The following HSD17B12 variants were observed in gnomAD, a reference collection of about 807,000 sequenced individuals.
HSD17B12 encodes very-long-chain 3-oxoacyl-CoA reductase.
HSD17B12 carries 32 observed loss-of-function variants against 39.3 expected under a neutral mutation model. The ratio of observed to expected loss-of-function variants is 0.81; its 90% CI spans 0.61 to 1.09. The LOEUF is 1.09. Among genes scored for constraint, HSD17B12 ranks in the 50% least tolerant of loss-of-function variants. The pLI is 0.00. For synonymous variants in HSD17B12, 150 were observed against 146.7 expected (o/e 1.02, Z -0.16); for missense variants, 342 against 382.9 (o/e 0.89, Z 0.89).
In HSD17B12 at chr11:43,798,418, G is replaced by A. The variant is rs754401423; in HGVS notation, c.382G>A (p.Gly128Ser). ...AACAGGCTTGGCTGGTCTTGAAATCGGCATCTTAGGTTTGTATTTTTGCCA... is the reference window on the plus strand; with the variant it reads ...AACAGGCTTGGCTGGTCTTGAAATCAGCATCTTAGGTTTGTATTTTTGCCA... ...IKTGLAGLEI[G>S]ILVNNVGMSY... Residue 128 changes from glycine to serine, a missense_variant, in exon 4 of 11, where the codon GGC becomes AGC. Coordinates refer to ENST00000278353, the MANE Select transcript of HSD17B12 (RefSeq NM_016142.3). 135 of 1,603,730 alleles carry A rather than the reference G, an allele frequency of 8.4e-5. No individual in the cohort carries two copies. The highest frequency in any genetic ancestry group is 1.8e-4 in the East Asian group (8 of 44,662).
chr11:43,782,374 T>C lies in HSD17B12; in HGVS notation c.284-15946T>C, dbSNP rs546987046. On this transcript the variant is annotated intron_variant, in intron 3 of 10. Coordinates refer to ENST00000278353, the MANE Select transcript of HSD17B12 (RefSeq NM_016142.3). Reference sequence around the variant, plus strand: ...TTAAAAGGATGGAAACAAATTATAATCTGTTAATTAAAATAGAAAACCATG... The same window carrying C: ...TTAAAAGGATGGAAACAAATTATAACCTGTTAATTAAAATAGAAAACCATG... Among the ~76,000 whole-genome samples, 128 of 152,222 alleles carry C rather than the reference T, an allele frequency of 8.4e-4. 1 individual carries two copies. Among genetic ancestry groups the C allele is most frequent in the African/African-American group, 2.9e-3 (120 of 41,520 alleles).
At chr11:43,768,558 G>A (rs987362426) in intron 3 of HSD17B12, among the ~76,000 whole-genome samples, 11 of 152,220 alleles carry the variant, frequency 7.2e-5, no homozygotes, top group African/African-American at 2.2e-4. Context: ...AAGATGGTGT[G>A]TCCAGAGTTT....
intron 1 of HSD17B12, among the ~76,000 whole-genome samples, chr11:43,732,109 C>A (rs1361399909): frequency 1.3e-5 from 2 of 152,120 alleles, no homozygotes; most frequent in African/African-American, 4.8e-5. Flanking sequence ...TACCTCCATG[C>A]TGTTCTCCTG....
chr11:43,592,558 A>G, the HSD17B12 span, among the ~76,000 whole-genome samples: 1 of 152,150 alleles, frequency 6.6e-6, no homozygotes, highest in African/African-American at 2.4e-5. Flanking sequence ...GTGTTTAAAT[A>G]TATTATGTGA....
Position 43,725,854 on chromosome 11 carries a change from G to A in HSD17B12, c.161-25057G>A, listed in dbSNP as rs144849867. ...GGCTAGGTGAGAGAAAGACACAACA[G>A]AGGAACAGATATGAGAAAAATGGAG... On this transcript the variant is annotated intron_variant, in intron 1 of 10. Coordinates refer to ENST00000278353, the MANE Select transcript of HSD17B12 (RefSeq NM_016142.3). 1.4e-3 allele frequency among the ~76,000 whole-genome samples: 214 copies of A among 152,252 alleles called. 3 individuals carry two copies. The highest frequency in any genetic ancestry group is 5.0e-3 in the African/African-American group (207 of 41,554).
chr11:43,685,749 C>T (rs1949792045), intron 1 of HSD17B12, among the ~76,000 whole-genome samples: 1 of 152,170 alleles, frequency 6.6e-6, no homozygotes, highest in African/African-American at 2.4e-5. Flanking sequence ...TGGATGAGTA[C>T]TCGGGAGTAG....
chr11:43,571,287 T>A, the HSD17B12 span, among the ~76,000 whole-genome samples: 1 of 152,232 alleles, frequency 6.6e-6, no homozygotes, highest in Non-Finnish European at 1.5e-5. Flanking sequence ...TGCAGATTGT[T>A]CTTTTCTCTC....
At chr11:43,740,940 A>C (rs938525092) in intron 1 of HSD17B12, among the ~76,000 whole-genome samples, 3 of 152,248 alleles carry the variant, frequency 2.0e-5, no homozygotes, top group African/African-American at 7.2e-5. Context: ...CACATGAAGG[A>C]TGGCCTCCCC....
At chr11:43,655,817 T>C in the HSD17B12 span, among the ~76,000 whole-genome samples, 2 of 152,228 alleles carry the variant, frequency 1.3e-5, no homozygotes, top group Admixed American at 6.5e-5. Context: ...CAGTATTTTA[T>C]TGAGGATTTT....
chr11:43,795,222 G>C (rs1392913773), intron 3 of HSD17B12, among the ~76,000 whole-genome samples: 15 of 152,130 alleles, frequency 9.9e-5, no homozygotes, highest in Admixed American at 9.8e-4. Flanking sequence ...AAGATGCCTA[G>C]ATTTACTTCT....
Position 43,838,300 on chromosome 11 carries a change from T to C in HSD17B12, c.537-17T>C. The C allele has an allele frequency of 1.3e-6, 2 of 1,585,262 alleles. No individual in the cohort carries two copies. Among genetic ancestry groups the C allele is most frequent in the Non-Finnish European group, 1.7e-6 (2 of 1,154,060 alleles). The stretch of plus-strand genomic sequence containing the variant: ...CTGTGGCTTCACTCCTTTTACACGG[T>C]ACATTTTCCTTTTTAGATCCAAAGG... On this transcript the variant is annotated splice_polypyrimidine_tract_variant and intron_variant, in intron 7 of 10. Transcript: ENST00000278353.
chr11:43,669,241 C>T, the HSD17B12 span, among the ~76,000 whole-genome samples: 1 of 152,088 alleles, frequency 6.6e-6, no homozygotes, highest in South Asian at 2.1e-4. Flanking sequence ...TGGCTCACGT[C>T]TGTAATCCCA....
chr11:43,810,762 A>G (rs1480534633), intron 4 of HSD17B12, among the ~76,000 whole-genome samples: 7 of 152,136 alleles, frequency 4.6e-5, no homozygotes, highest in Admixed American at 4.6e-4. Context: ...CCATGATGAC[A>G]TAGATATCTG....
At chr11:43,656,931 G>A in the HSD17B12 span, among the ~76,000 whole-genome samples, 1 of 152,174 alleles carries the variant, frequency 6.6e-6, no homozygotes, top group African/African-American at 2.4e-5. Context: ...TTGGTGCAGA[G>A]CTGAGTTCAA....
chr11:43,788,619 C>T (rs1950837895), intron 3 of HSD17B12, among the ~76,000 whole-genome samples: 1 of 150,648 alleles, frequency 6.6e-6, no homozygotes, highest in Non-Finnish European at 1.5e-5. Flanking sequence ...TTGTTCTCTG[C>T]CTGCCACCTG....
chr11:43,651,950 G>A, the HSD17B12 span, among the ~76,000 whole-genome samples: 2 of 152,284 alleles, frequency 1.3e-5, no homozygotes, highest in Non-Finnish European at 2.9e-5. Context: ...TGTAAGACCT[G>A]TACACTGAAA....
At chr11:43,849,805 T>G in intron 9 of HSD17B12, among the ~76,000 whole-genome samples, 1 of 152,378 alleles carries the variant, frequency 6.6e-6, no homozygotes, top group Middle Eastern at 3.4e-3. Flanking sequence ...TTAGGGACTC[T>G]GTTTTTATTC....
intron 9 of HSD17B12, among the ~76,000 whole-genome samples, chr11:43,850,177 T>A (rs947321066): frequency 6.6e-6 from 1 of 152,226 alleles, no homozygotes; most frequent in Non-Finnish European, 1.5e-5. Flanking sequence ...TCTAAGGGTT[T>A]CTGCCAAGTA....
chr11:43,715,336 G>A (rs1428702208), intron 1 of HSD17B12, among the ~76,000 whole-genome samples: 2 of 152,118 alleles, frequency 1.3e-5, no homozygotes, highest in Middle Eastern at 3.4e-3. Context: ...TAGCATGAAG[G>A]GCTGTTGAAT....
Sources: gnomAD v4.1 joint callset for allele counts (sites outside exome capture counted in the v4.1 genomes callset) on GRCh38, gnomAD v4.1.1 for gene constraint, MANE v1.5 for transcripts, NCBI Gene and HGNC (gene_info 2026-07-23, HGNC 2026-07-21) for gene names.